CRYGD: variants seen among roughly 807,000 people sequenced by gnomAD.
CRYGD encodes the protein crystallin gamma D.
Under a neutral mutation model 11.3 loss-of-function variants are expected in CRYGD, and 13 were observed. That is an observed-to-expected ratio of 1.15 (90% CI 0.75 to 1.83). The LOEUF is 1.83. Among genes scored for constraint, CRYGD ranks in the 40% most tolerant of loss-of-function variants. CRYGD has a pLI of 0.00. For missense variants in CRYGD, 231 were observed against 229.9 expected, an observed-to-expected ratio of 1.00 and a Z score of -0.03; for synonymous variants, 77 against 89.5, an observed-to-expected ratio of 0.86 and a Z score of 0.79.
chr2:208,122,047 G>T, intron 2 of CRYGD, 102 bp from the exon 3 acceptor site: 1 of 1,511,890 alleles, frequency 6.6e-7, no homozygotes, highest in Non-Finnish European at 9.1e-7. Flanking sequence ...AAGCCATTTT[G>T]AAATACATGG....
At chr2:208,124,063 T>C (rs747216353) in intron 2 of CRYGD, 49 bp downstream of exon 2, 79 of 1,611,092 alleles carry the variant, frequency 4.9e-5, no homozygotes, top group Non-Finnish European at 5.6e-5. Flanking sequence ...CTTGAAACCA[T>C]CCAGTGAGTG....
intron 2 of CRYGD, among the ~76,000 whole-genome samples, 183 bp downstream of exon 2, chr2:208,123,929 C>CTGGT (rs982765440): frequency 6.6e-5 from 10 of 152,218 alleles, no homozygotes; most frequent in African/African-American, 1.7e-4. Context: ...TTGTGATTAA[C>CTGGT]TGGTGTCTGG....
At chr2:208,122,360 A>C (rs1013562248) in intron 2 of CRYGD, among the ~76,000 whole-genome samples, 1 of 148,142 alleles carries the variant, frequency 6.8e-6, no homozygotes, top group Non-Finnish European at 1.5e-5. Context: ...TATACATATG[A>C]TATCTAATAC....
At chr2:208,123,110 A>G (rs1198976389) in intron 2 of CRYGD, among the ~76,000 whole-genome samples, 6 of 147,774 alleles carry the variant, frequency 4.1e-5, no homozygotes, top group African/African-American at 1.2e-4. Context: ...ACACACATAT[A>G]ATGTAAATGA....
chr2:208,124,382 G>T (rs1293480974), intron 1 of CRYGD, 28 bp from the exon 2 acceptor site: 3 of 1,610,310 alleles, frequency 1.9e-6, no homozygotes, highest in Admixed American at 3.4e-5. Flanking sequence ...ACAAGGCGAG[G>T]TCTCACAGGC....
chr2:208,121,664 G>C lies in CRYGD; in HGVS notation c.*9C>G, dbSNP rs775639939. 2.5e-6 allele frequency: 4 copies of C among 1,612,176 alleles called. No homozygotes were observed. The highest frequency in any genetic ancestry group is 3.4e-6 in the Non-Finnish European group (4 of 1,178,788). ...TTCCAAATTAAGAAACAACAAAAGA[G>C]GACATATTTCAGGAGAAATCTATGA... is the stretch of plus-strand genomic sequence containing the variant. On this transcript the variant is annotated 3_prime_UTR_variant, in exon 3 of 3. Coordinates refer to ENST00000264376, the MANE Select transcript of CRYGD (RefSeq NM_006891.4).
Position 208,124,277 on chromosome 2 carries a change from G to A in CRYGD, c.87C>T (p.Tyr29=). The A allele has an allele frequency of 6.2e-7, 1 of 1,611,794 alleles. No individual in the cohort carries two copies. Among genetic ancestry groups the A allele is most frequent in the Non-Finnish European group, 8.5e-7 (1 of 1,179,266 alleles). Residue 29 remains tyrosine, a synonymous_variant, in exon 2 of 3, where the codon TAC becomes TAT. Coordinates refer to ENST00000264376, the MANE Select transcript of CRYGD (RefSeq NM_006891.4). ...CSSDHPNLQP[Y]LSRCNSARVD... The stretch of plus-strand genomic sequence containing the variant: ...CGCGCGCCGAGTTGCAGCGGCTCAA[G>A]TAGGGCTGCAGGTTGGGGTGGTCGC...
At position 208,121,784 on chromosome 2, in the gene CRYGD, G is replaced by T; in HGVS notation, c.414C>A (p.Asn138Lys). The T allele has an allele frequency of 6.2e-7, 1 of 1,614,186 alleles. No individual in the cohort carries two copies. The highest frequency in any genetic ancestry group is 8.5e-7 in the Non-Finnish European group (1 of 1,180,046). The change falls in exon 3 of 3, where the codon AAC becomes AAA. Residue 138 changes from asparagine (N) to lysine (K), a missense_variant. Coordinates refer to ENST00000264376, the MANE Select transcript of CRYGD (RefSeq NM_006891.4). ...EGSWVLYELS[N>K]YRGRQYLLMP... ...TCAGCAGGTACTGCCGTCCTCGGTA[G>T]TTGGACAGCTCGTAGAGGACCCAGG...
intron 2 of CRYGD, among the ~76,000 whole-genome samples, chr2:208,122,727 G>A (rs1001842627): frequency 1.3e-5 from 2 of 150,738 alleles, no homozygotes; most frequent in African/African-American, 2.4e-5. Flanking sequence ...GCCAGGTGTG[G>A]TGGCGGGTGC....
intron 2 of CRYGD, 148 bp downstream of exon 2, chr2:208,123,964 C>A: frequency 8.2e-7 from 1 of 1,213,612 alleles, no homozygotes; most frequent in Non-Finnish European, 1.2e-6. Context: ...ATGTGGGGAG[C>A]AAACTCTATT....
At chr2:208,123,165 A>G (rs1694904393) in intron 2 of CRYGD, among the ~76,000 whole-genome samples, 1 of 146,986 alleles carries the variant, frequency 6.8e-6, no homozygotes, top group Admixed American at 6.8e-5. Context: ...TATGTTAAAT[A>G]TATTTAAAAT....
chr2:208,121,692 C>A lies in CRYGD; in HGVS notation c.506G>T (p.Arg169Ile), dbSNP rs763098978. ...CATATTTCAGGAGAAATCTATGACT[C>A]TCCTCAGAGAGCCCACTCTGGCATT... ...ATNARVGSLR[R>I]VIDFS The change falls in exon 3 of 3, where the codon AGA becomes ATA. Residue 169 changes from arginine to isoleucine, a missense_variant. Transcript: ENST00000264376. 6.2e-7 allele frequency: 1 copy of A among 1,613,604 alleles called. No homozygotes were observed. Among genetic ancestry groups the A allele is most frequent in the East Asian group, 2.2e-5 (1 of 44,878 alleles).
intron 2 of CRYGD, among the ~76,000 whole-genome samples, chr2:208,122,505 T>G (rs1260862214): frequency 6.8e-6 from 1 of 148,128 alleles, no homozygotes; most frequent in Non-Finnish European, 1.5e-5. Context: ...ATTATATTTA[T>G]TTTACAAATT....
chr2:208,124,234 T>C lies in CRYGD; in HGVS notation c.130A>G (p.Met44Val), dbSNP rs61731517. The C allele has an allele frequency of 8.0e-3, 12,862 of 1,610,854 alleles. 70 individuals are homozygous for C. Among genetic ancestry groups the C allele is most frequent in the Middle Eastern group, 9.0e-3 (50 of 5,556 alleles). Residue 44 changes from methionine (M) to valine (V), a missense_variant, in exon 2 of 3, where the codon ATG (methionine) becomes GTG (valine). Transcript: ENST00000264376. ...GAGTAGTTGGGCTGCTCATAGAGCATCCAGCAGCCGCTGTCCACGCGCGCC... is the reference window on the plus strand; with the variant it reads ...GAGTAGTTGGGCTGCTCATAGAGCACCCAGCAGCCGCTGTCCACGCGCGCC... ...NSARVDSGCW[M>V]LYEQPNYSGL...
At position 208,123,353 on chromosome 2, in the gene CRYGD, T is replaced by C. The variant is rs200291051; in HGVS notation, c.252+759A>G. ...TAAATATATCATTTAATATATTGAA[T>C]TAAATGATAATGCATCATTTAAATC... On this transcript the variant is annotated intron_variant, in intron 2 of 2. Coordinates refer to ENST00000264376, the MANE Select transcript of CRYGD (RefSeq NM_006891.4). Among the ~76,000 whole-genome samples, 26 of 147,158 alleles carry C rather than the reference T, an allele frequency of 1.8e-4. 1 individual carries two copies. The East Asian group carries it at 5.1e-3, about 29-fold the overall frequency.
intron 2 of CRYGD, among the ~76,000 whole-genome samples, chr2:208,122,917 G>T (rs1694895108): frequency 6.7e-6 from 1 of 149,750 alleles, no homozygotes; most frequent in Non-Finnish European, 1.5e-5. Context: ...AAATTAGCTG[G>T]GTGTGGTGGC....
intron 2 of CRYGD, 120 bp downstream of exon 2, chr2:208,123,992 T>G (rs1694923102): frequency 6.9e-7 from 1 of 1,441,330 alleles, no homozygotes; most frequent in Non-Finnish European, 9.6e-7. Context: ...TCCACTATAG[T>G]TCATCTTTTG....
intron 2 of CRYGD, among the ~76,000 whole-genome samples, 187 bp from the exon 3 acceptor site, chr2:208,122,132 A>G (rs1294657734): frequency 6.6e-6 from 1 of 152,142 alleles, no homozygotes; most frequent in Non-Finnish European, 1.5e-5. Context: ...TTTCAAGATT[A>G]TGAAGTGTGG....
intron 2 of CRYGD, 88 bp from the exon 3 acceptor site, chr2:208,122,033 G>A (rs182677429): frequency 7.0e-6 from 11 of 1,582,354 alleles, no homozygotes; most frequent in East Asian, 2.2e-5. Flanking sequence ...GTGAGGACCC[G>A]CTCAAGCCAT....
Sources: allele counts gnomAD v4.1 joint callset (sites outside exome capture counted in the v4.1 genomes callset), GRCh38; gene constraint gnomAD v4.1.1; transcripts MANE v1.5; gene names NCBI Gene and HGNC (gene_info 2026-07-23, HGNC 2026-07-21).